Variants in TACR3 observed in about 807,000 individuals in gnomAD.
TACR3 encodes neuromedin-K receptor.
TACR3 carries 34 observed loss-of-function variants against 35.0 expected under a neutral mutation model. The ratio of observed to expected loss-of-function variants is 0.97; its 90% CI spans 0.74 to 1.30. The LOEUF is 1.30. Among genes scored for constraint, TACR3 ranks in the 50% most tolerant of loss-of-function variants. The probability of loss-of-function intolerance (pLI) is 0.00; values close to 1 mark genes in which losing one functional copy is unlikely to be tolerated. For missense variants in TACR3, 558 were observed against 591.7 expected (o/e 0.94, Z 0.59); for synonymous variants, 233 against 221.1 (o/e 1.05, Z -0.48).
chr4:103,680,282 C>T (rs1726262513), intron 1 of TACR3, among the ~76,000 whole-genome samples: 1 of 151,286 alleles, frequency 6.6e-6, no homozygotes, highest in Non-Finnish European at 1.5e-5. Flanking sequence ...ACCTACAGAA[C>T]AGAAAGAAAA....
intron 1 of TACR3, among the ~76,000 whole-genome samples, chr4:103,684,132 C>CA (rs34340725): frequency 2.6e-5 from 4 of 151,706 alleles, no homozygotes; most frequent in Non-Finnish European, 5.9e-5. Context: ...TGTTGAAAGA[C>CA]AAAAAAACTG....
At chr4:103,628,618 A>G (rs1724968488) in intron 3 of TACR3, among the ~76,000 whole-genome samples, 1 of 152,222 alleles carries the variant, frequency 6.6e-6, no homozygotes, top group Non-Finnish European at 1.5e-5. Context: ...AAATCTCTGA[A>G]TAGACCAATA....
chr4:103,652,549 C>T (rs1050101076), intron 3 of TACR3, among the ~76,000 whole-genome samples: 7 of 151,988 alleles, frequency 4.6e-5, no homozygotes, highest in Non-Finnish European at 8.8e-5. Context: ...TGAGAGCTCT[C>T]GTGATTTTTG....
intron 1 of TACR3, among the ~76,000 whole-genome samples, chr4:103,667,704 C>T (rs1247676099): frequency 6.6e-6 from 1 of 152,166 alleles, no homozygotes; most frequent in African/African-American, 2.4e-5. Flanking sequence ...GAAATCTGCA[C>T]TTATAACCCC....
chr4:103,597,051 G>A (rs184526550), intron 3 of TACR3, among the ~76,000 whole-genome samples: 34 of 151,972 alleles, frequency 2.2e-4, no homozygotes, highest in Non-Finnish European at 2.9e-4. Context: ...GAATAGTGCC[G>A]CAATAAACAC....
intron 1 of TACR3, among the ~76,000 whole-genome samples, chr4:103,679,573 C>A (rs929125449): frequency 6.6e-6 from 1 of 151,872 alleles, no homozygotes; most frequent in East Asian, 1.9e-4. Context: ...CAATAACAAC[C>A]CTTTGTGGAG....
intron 1 of TACR3, among the ~76,000 whole-genome samples, chr4:103,667,004 T>C (rs777631882): frequency 6.6e-6 from 1 of 152,142 alleles, no homozygotes; most frequent in African/African-American, 2.4e-5. Flanking sequence ...ATGCCTGTAA[T>C]CCCAGCACTT....
chr4:103,701,678 CAT>C (rs1395422055), intron 1 of TACR3, among the ~76,000 whole-genome samples: 1 of 152,146 alleles, frequency 6.6e-6, no homozygotes, highest in African/African-American at 2.4e-5. Context: ...ACCAAAACAG[CAT>C]GGTACTGGTA....
intron 1 of TACR3, among the ~76,000 whole-genome samples, chr4:103,717,138 T>C (rs1392738960): frequency 6.6e-6 from 1 of 152,188 alleles, no homozygotes; most frequent in Non-Finnish European, 1.5e-5. Context: ...ACTATTGGAC[T>C]GGTAATCTAT....
chr4:103,687,370 CA>C (rs1166686061), intron 1 of TACR3, among the ~76,000 whole-genome samples: 4 of 151,988 alleles, frequency 2.6e-5, no homozygotes, highest in African/African-American at 9.7e-5. Flanking sequence ...CACTCCTATT[CA>C]ACATAGTGTT....
At chr4:103,716,526 A>G (rs1186551016) in intron 1 of TACR3, among the ~76,000 whole-genome samples, 1 of 152,170 alleles carries the variant, frequency 6.6e-6, no homozygotes, top group Non-Finnish European at 1.5e-5. Context: ...TGAACACTTC[A>G]AGGAAAACTC....
chr4:103,648,533 T>C (rs1443569837), intron 3 of TACR3, among the ~76,000 whole-genome samples: 2 of 152,062 alleles, frequency 1.3e-5, no homozygotes, highest in African/African-American at 4.8e-5. Flanking sequence ...AGTGGGACCA[T>C]ACAAACTTCA....
intron 1 of TACR3, among the ~76,000 whole-genome samples, chr4:103,697,495 G>T (rs1722547079): frequency 6.6e-6 from 1 of 151,792 alleles, no homozygotes; most frequent in Admixed American, 6.6e-5. Context: ...CGCCATCTCG[G>T]TTCACTGCAA....
chr4:103,716,215 TTGTG>T (rs56790385), intron 1 of TACR3, among the ~76,000 whole-genome samples: 11,715 of 143,130 alleles, frequency 0.082, 587 homozygotes, highest in Admixed American at 0.13. Context: ...TAATTTTATC[TTGTG>T]TGTGTGTGTG....
chr4:103,679,913 A>T (rs751309372), intron 1 of TACR3, among the ~76,000 whole-genome samples: 2 of 151,878 alleles, frequency 1.3e-5, no homozygotes, highest in Non-Finnish European at 2.9e-5. Flanking sequence ...AAGCTCTATT[A>T]TATATATATT....
chr4:103,611,393 G>GGATT (rs1560806129), intron 3 of TACR3, among the ~76,000 whole-genome samples: 2 of 151,970 alleles, frequency 1.3e-5, no homozygotes, highest in African/African-American at 4.8e-5. Flanking sequence ...ATTGTAAGTG[G>GGATT]GATTGATTTC....
rs77076133 is a variant in TACR3 at position 103,707,863 on chromosome 4, C to A, written c.548+11265G>T. Among the ~76,000 whole-genome samples the A allele has an allele frequency of 1.9e-3, 297 of 152,322 alleles. 1 individual carries two copies. Among genetic ancestry groups the A allele is most frequent in the Middle Eastern group, 0.01 (3 of 294 alleles). On this transcript the variant is annotated intron_variant, in intron 1 of 4. Coordinates refer to ENST00000304883, the MANE Select transcript of TACR3 (RefSeq NM_001059.3). ...CACACCAGGAGATTATATCCTGCGC[C>A]TGGCTCAGAGGGTCCCACACCCAAG...
chr4:103,648,343 T>C (rs987117484), intron 3 of TACR3, among the ~76,000 whole-genome samples: 1 of 152,018 alleles, frequency 6.6e-6, no homozygotes, highest in African/African-American at 2.4e-5. Flanking sequence ...TTGTTGACGG[T>C]AGTCATTCTG....
chr4:103,603,888 TAAGAG>T (rs1724274507), intron 3 of TACR3, among the ~76,000 whole-genome samples: 1 of 152,082 alleles, frequency 6.6e-6, no homozygotes, highest in Non-Finnish European at 1.5e-5. Context: ...CTCAAGGAAA[TAAGAG>T]AAGACACAAA....
Sources: gnomAD v4.1 joint callset for allele counts (sites outside exome capture counted in the v4.1 genomes callset) on GRCh38, gnomAD v4.1.1 for gene constraint, MANE v1.5 for transcripts, NCBI Gene and HGNC (gene_info 2026-07-23, HGNC 2026-07-21) for gene names.